The following WNK3 variants were observed in gnomAD, a reference collection of about 807,000 sequenced individuals.
WNK3 encodes WNK lysine deficient protein kinase 3.
A neutral mutation model predicts 116.7 loss-of-function variants in WNK3; 18 were observed. The observed-to-expected ratio is 0.15, with a 90% confidence interval of 0.11 to 0.23. WNK3 has a LOEUF of 0.23. Ranked by LOEUF, WNK3 falls within the 10% of genes least tolerant of loss-of-function variation. The probability of loss-of-function intolerance (pLI) is 1.00; values close to 1 mark genes in which losing one functional copy is unlikely to be tolerated. For missense variants in WNK3, 993 were observed against 1,323.8 expected, an observed-to-expected ratio of 0.75 and a Z score of 3.88; for synonymous variants, 404 against 469.4, an observed-to-expected ratio of 0.86 and a Z score of 1.80.
At position 54,249,222 on chromosome X, in the gene WNK3, T is replaced by C. The variant is rs782505507; in HGVS notation, c.3126A>G (p.Gln1042=). The change falls in exon 17 of 24, where the codon CAA becomes CAG. Residue 1042 remains glutamine (Q), a synonymous_variant. Transcript: ENST00000354646. Reference sequence around the variant, plus strand: ...TAGCTGGCTGCTGTACTGATAAGGTTTGAGGCTTTTGATCAAATGCCAGAG... The same window carrying C: ...TAGCTGGCTGCTGTACTGATAAGGTCTGAGGCTTTTGATCAAATGCCAGAG... 1.2e-5 allele frequency: 14 copies of C among 1,210,222 alleles called. No individual in the cohort carries two copies. The East Asian group carries it at 3.3e-4, about 28-fold the overall frequency.
intron 10 of WNK3, among the ~76,000 whole-genome samples, chrX:54,273,173 T>C (rs1673876305): frequency 8.9e-6 from 1 of 112,415 alleles, no homozygotes; most frequent in Non-Finnish European, 1.9e-5. Context: ...CCTTTTAATG[T>C]CAATCCACAT....
rs1188948104 is a variant in WNK3, at chrX:54,303,985, A to G, written c.1090-2126T>C. Among the ~76,000 whole-genome samples, 4 of 111,545 alleles carry G rather than the reference A, an allele frequency of 3.6e-5. No homozygotes were observed. In the Admixed American group the frequency reaches 3.9e-4, roughly 11 times the overall value. On this transcript the variant is annotated intron_variant, in intron 5 of 23. Coordinates refer to ENST00000354646, the Ensembl canonical transcript of WNK3. The stretch of plus-strand genomic sequence containing the variant: ...AAATATGGGCCAAAACTAAAAACAC[A>G]TTCTAGCCTTATCTCTTTTTCTGAG...
intron 10 of WNK3, among the ~76,000 whole-genome samples, chrX:54,266,560 C>A (rs1209399544): frequency 2.7e-5 from 3 of 110,162 alleles, no homozygotes; most frequent in Non-Finnish European, 3.8e-5. Flanking sequence ...TCTTTTGAGA[C>A]AAGGTCTTGC....
chrX:54,201,195 T>C (rs939082879), intron 23 of WNK3, among the ~76,000 whole-genome samples: 1 of 111,585 alleles, frequency 9.0e-6, no homozygotes, highest in Non-Finnish European at 1.9e-5. Flanking sequence ...AGGCCCAAAT[T>C]CCACCATCCA....
chrX:54,306,752 T>C (rs1196353240), intron 5 of WNK3, among the ~76,000 whole-genome samples: 1 of 110,771 alleles, frequency 9.0e-6, no homozygotes, highest in Non-Finnish European at 1.9e-5. Flanking sequence ...ATAACAATAA[T>C]ATACTGTAAA....
exon 8 of WNK3, chrX:54,294,665 G>T: frequency 1.7e-6 from 2 of 1,209,794 alleles, no homozygotes; most frequent in Non-Finnish European, 1.1e-6. Flanking sequence ...CGGGAGCAAG[G>T]GGTAAAGTTG....
At chrX:54,216,950 A>C (rs1480835143) in intron 22 of WNK3, among the ~76,000 whole-genome samples, 1 of 112,157 alleles carries the variant, frequency 8.9e-6, no homozygotes, top group Non-Finnish European at 1.9e-5. Context: ...CTGAGGCAAG[A>C]GGATCTCTTG....
intron 1 of WNK3, among the ~76,000 whole-genome samples, chrX:54,352,686 T>C (rs1385468107): frequency 9.0e-6 from 1 of 110,913 alleles, no homozygotes; most frequent in East Asian, 2.8e-4. Flanking sequence ...AAACAAAACA[T>C]AACATAGGAT....
intron 22 of WNK3, among the ~76,000 whole-genome samples, chrX:54,213,245 C>A (rs191411756): frequency 2.7e-4 from 29 of 109,041 alleles, no homozygotes; most frequent in African/African-American, 9.4e-4. Context: ...CTCGGCCTCC[C>A]AAATGATTTT....
chrX:54,275,594 CAA>C, intron 10 of WNK3, among the ~76,000 whole-genome samples: 1 of 109,100 alleles, frequency 9.2e-6, no homozygotes, highest in East Asian at 2.9e-4. Context: ...TAAAAAATTT[CAA>C]ATAACCCACA....
At chrX:54,276,733 GAGA>G (rs1423725142) in intron 10 of WNK3, among the ~76,000 whole-genome samples, 2 of 71,224 alleles carry the variant, frequency 2.8e-5, no homozygotes, top group Non-Finnish European at 5.4e-5. Flanking sequence ...TTTTTTTTTT[GAGA>G]AGGAGTCTCG....
At chrX:54,224,275 C>T (rs1242178015) in intron 22 of WNK3, among the ~76,000 whole-genome samples, 1 of 108,053 alleles carries the variant, frequency 9.3e-6, no homozygotes, top group African/African-American at 3.4e-5. Flanking sequence ...TCGCTTGAAC[C>T]TGGGAGGCAG....
exon 10 of WNK3, chrX:54,293,022 T>C (rs782413999): frequency 8.3e-7 from 1 of 1,210,173 alleles, no homozygotes; most frequent in Non-Finnish European, 1.1e-6. Flanking sequence ...TGAGTCAGCT[T>C]TGAATGCTTC....
intron 2 of WNK3, among the ~76,000 whole-genome samples, chrX:54,330,869 C>T (rs1261015154): frequency 9.2e-6 from 1 of 108,850 alleles, no homozygotes; most frequent in Non-Finnish European, 1.9e-5. Flanking sequence ...CAAAATTAGC[C>T]AGGAGTGGTG....
At chrX:54,247,774 G>T (rs782454792) in intron 17 of WNK3, among the ~76,000 whole-genome samples, 1 of 110,798 alleles carries the variant, frequency 9.0e-6, no homozygotes, top group Non-Finnish European at 1.9e-5. Flanking sequence ...AAATTAAGTT[G>T]CAGAACAGTA....
At chrX:54,224,073 G>A (rs2067800774) in intron 22 of WNK3, 1 of 119,723 alleles carries the variant, frequency 8.4e-6, no homozygotes, top group East Asian at 2.6e-4. Context: ...CTTCCCATTG[G>A]CCAGGCGCAG....
chrX:54,322,377 A>C (rs2069048935), intron 2 of WNK3, among the ~76,000 whole-genome samples: 1 of 111,610 alleles, frequency 9.0e-6, no homozygotes, highest in Non-Finnish European at 1.9e-5. Flanking sequence ...CAACTCCCCA[A>C]CCTCTGGACA....
At chrX:54,232,481 C>T (rs1211443778) in intron 21 of WNK3, among the ~76,000 whole-genome samples, 1 of 111,499 alleles carries the variant, frequency 9.0e-6, no homozygotes, top group Non-Finnish European at 1.9e-5. Context: ...AACAAACTCT[C>T]CAACAAACTC....
rs185483100 is a variant in WNK3, at chrX:54,306,138, G to A, written c.1089+1784C>T. 2.2e-3 allele frequency among the ~76,000 whole-genome samples: 243 copies of A among 111,486 alleles called. 1 individual carries two copies. Among genetic ancestry groups the A allele is most frequent in the Non-Finnish European group, 2.4e-3 (129 of 53,118 alleles). On this transcript the variant is annotated intron_variant, in intron 5 of 23. Coordinates refer to ENST00000354646, the Ensembl canonical transcript of WNK3. ...CACATCTGTTAGAATGACTATTATCGAAAAGATGAAAGATAAGTGTTGGTG... is the reference window on the plus strand; with the variant it reads ...CACATCTGTTAGAATGACTATTATCAAAAAGATGAAAGATAAGTGTTGGTG...
Sources: allele counts gnomAD v4.1 joint callset (sites outside exome capture counted in the v4.1 genomes callset), GRCh38; gene constraint gnomAD v4.1.1; transcripts MANE v1.5; gene names NCBI Gene and HGNC (gene_info 2026-07-23, HGNC 2026-07-21).